GDF5: variants seen among roughly 807,000 people sequenced by gnomAD.
GDF5 encodes the protein growth/differentiation factor 5.
A neutral mutation model predicts 34.6 loss-of-function variants in GDF5; 17 were observed. That is an observed-to-expected ratio of 0.49 (90% CI 0.34 to 0.74). The LOEUF is 0.74. GDF5 is among the 30% of genes least tolerant of loss of function. The pLI is 0.01. For missense variants in GDF5, 616 were observed against 661.2 expected (o/e 0.93, Z 0.75); for synonymous variants, 332 against 290.7 (o/e 1.14, Z -1.44).
chr20:35,437,238 C>A, intron 1 of GDF5, 60 bp downstream of exon 1: 1 of 1,224,590 alleles, frequency 8.2e-7, no homozygotes, highest in Non-Finnish European at 1.2e-6. Flanking sequence ...TTTGAAAGCC[C>A]CTCCATTCAT....
At chr20:35,452,645 C>G (rs955540586) in intron 1 of GDF5, among the ~76,000 whole-genome samples, 2 of 152,142 alleles carry the variant, frequency 1.3e-5, no homozygotes, top group African/African-American at 4.8e-5. Flanking sequence ...TGGTATTGAA[C>G]TCCCAACCTC....
chr20:35,438,990 G>A (rs2062488254), upstream of GDF5, among the ~76,000 whole-genome samples: 1 of 151,814 alleles, frequency 6.6e-6, no homozygotes, highest in Admixed American at 6.6e-5. Context: ...GTGACCCAGA[G>A]ACTGAAAAAT....
At chr20:35,454,108 C>A in intron 1 of GDF5, 1 of 452,698 alleles carries the variant, frequency 2.2e-6, no homozygotes. Context: ...CCACTGAGTG[C>A]AAGAGTGAGG....
intron 1 of GDF5, among the ~76,000 whole-genome samples, chr20:35,451,081 A>T (rs1436431377): frequency 1.9e-5 from 1 of 52,980 alleles, no homozygotes; most frequent in East Asian, 3.9e-4. Flanking sequence ...ATATATATAT[A>T]TATATATATA....
intron 1 of GDF5, among the ~76,000 whole-genome samples, chr20:35,450,555 C>T (rs1025406311): frequency 6.6e-6 from 1 of 151,988 alleles, no homozygotes; most frequent in South Asian, 2.1e-4. Flanking sequence ...CTTTCTGGGC[C>T]TCGCAGATGT....
chr20:35,453,870 C>T (rs2062549279), intron 1 of GDF5: 1 of 532,854 alleles, frequency 1.9e-6, no homozygotes, highest in Non-Finnish European at 3.9e-6. Context: ...TTGTACCAGG[C>T]CTTGTGCTGA....
chr20:35,449,833 A>G (rs2062524943), intron 1 of GDF5, among the ~76,000 whole-genome samples: 1 of 151,956 alleles, frequency 6.6e-6, no homozygotes, highest in Non-Finnish European at 1.5e-5. Flanking sequence ...AAAAATTTTT[A>G]AACAAATTAG....
chr20:35,438,821 A>ATGTGTGTGTGTGTGTG (rs1177580555), upstream of GDF5, among the ~76,000 whole-genome samples: 203 of 44,992 alleles, frequency 4.5e-3, 1 homozygote, highest in African/African-American at 0.01. Flanking sequence ...CTGATTTGTT[A>ATGTGTGTGTGTGTGTG]TGCGTGTGTG....
chr20:35,433,921 A>T lies in GDF5; in HGVS notation c.1494T>A (p.Cys498Ter). The T allele has an allele frequency of 1.9e-6, 3 of 1,613,982 alleles. No individual in the cohort carries two copies. The highest frequency in any genetic ancestry group is 2.5e-6 in the Non-Finnish European group (3 of 1,179,854). ...KQYEDMVVESCGCR is the reference protein window; with the variant it reads ...KQYEDMVVES ...AGGGCCAGTGCTGCTACCTGCAGCC[A>T]CACGACTCCACGACCATGTCCTCAT... The change falls in exon 2 of 2, where the codon TGT becomes TGA. Residue 498 changes from cysteine to a stop codon, truncating the protein, a stop_gained. Transcript: ENST00000374369. LOFTEE classifies it high-confidence loss of function.
chr20:35,443,343 TG>T (rs2062504180), intron 1 of GDF5, among the ~76,000 whole-genome samples: 2 of 152,048 alleles, frequency 1.3e-5, no homozygotes, highest in South Asian at 4.1e-4. Flanking sequence ...GCAATATTAA[TG>T]TCAAACTTGA....
chr20:35,450,302 T>TAA (rs796096796), intron 1 of GDF5, among the ~76,000 whole-genome samples: 13 of 126,076 alleles, frequency 1.0e-4, no homozygotes, highest in East Asian at 2.3e-4. Flanking sequence ...TGAGACTCTG[T>TAA]AAAAAAAAAA....
At chr20:35,439,810 CAG>C (rs936957464), upstream of GDF5, among the ~76,000 whole-genome samples, 1 of 151,512 alleles carries the variant, frequency 6.6e-6, no homozygotes. Flanking sequence ...CGTCCCCAGA[CAG>C]AGCCAGTTAC....
At chr20:35,442,691 C>A (rs529641043), upstream of GDF5, among the ~76,000 whole-genome samples, 21 of 151,372 alleles carry the variant, frequency 1.4e-4, no homozygotes, top group Non-Finnish European at 2.8e-4. Context: ...ACTACCGATG[C>A]GCACCAAGAC....
chr20:35,434,524 C>T lies in GDF5; in HGVS notation c.891G>A (p.Trp297Ter), dbSNP rs1464028021. ...DGSGWEVFDIWKLFRNFKNSA... is the reference protein window; with the variant it reads ...DGSGWEVFDI ...AGTTCTTAAAGTTTCGGAAGAGCTT[C>T]CAGATGTCGAACACCTCCCAGCCAG... The change falls in exon 2 of 2, where the codon TGG becomes TGA. Residue 297 changes from tryptophan to a stop codon, truncating the protein, a stop_gained. Coordinates refer to ENST00000374369, the MANE Select transcript of GDF5 (RefSeq NM_000557.5). LOFTEE classifies it high-confidence loss of function. 2 of 1,603,854 alleles carry T rather than the reference C, an allele frequency of 1.2e-6. No homozygotes were observed. The highest frequency in any genetic ancestry group is 1.7e-6 in the Non-Finnish European group (2 of 1,174,268).
At position 35,446,507 on chromosome 20, in the gene GDF5, G is replaced by A. The variant is rs183061935; in HGVS notation, c.-397-5120C>T. 3.5e-3 allele frequency among the ~76,000 whole-genome samples: 499 copies of A among 143,644 alleles called. 2 individuals are homozygous for A. Among genetic ancestry groups the A allele is most frequent in the African/African-American group, 0.013 (488 of 38,598 alleles). The allele number at this position is 143,644 out of a possible 152,430, so 94.2% of individuals were successfully genotyped here. On this transcript the variant is annotated intron_variant, in intron 1 of 3. Transcript: ENST00000374372. ...GGCAGGAGTGCAGTGGTGAGATCTC[G>A]GCTCACTGCAGCCTCGAACTCCTGA... is the stretch of plus-strand genomic sequence containing the variant.
chr20:35,447,702 C>A (rs748572050), intron 1 of GDF5, among the ~76,000 whole-genome samples: 3 of 152,030 alleles, frequency 2.0e-5, no homozygotes, highest in Non-Finnish European at 4.4e-5. Context: ...GAAAAGAATG[C>A]AAAAGAAAAT....
At chr20:35,451,081 A>ATATATATATATATT (rs2062531647) in intron 1 of GDF5, among the ~76,000 whole-genome samples, 2 of 53,010 alleles carry the variant, frequency 3.8e-5, no homozygotes, top group Non-Finnish European at 6.5e-5. Flanking sequence ...ATATATATAT[A>ATATATATATATATT]TATATATATA....
At chr20:35,450,142 A>G (rs562090338) in intron 1 of GDF5, among the ~76,000 whole-genome samples, 9 of 134,010 alleles carry the variant, frequency 6.7e-5, no homozygotes, top group East Asian at 2.2e-4. Context: ...ATCTCTACTG[A>G]AAAAAAAAAA....
upstream of GDF5, among the ~76,000 whole-genome samples, chr20:35,438,628 A>G (rs569656779): frequency 6.6e-6 from 1 of 152,284 alleles, no homozygotes; most frequent in East Asian, 1.9e-4. Context: ...CTCCCCCTCC[A>G]CAGGGCAGAC....
Sources: gnomAD v4.1 joint callset for allele counts (sites outside exome capture counted in the v4.1 genomes callset) on GRCh38, gnomAD v4.1.1 for gene constraint, MANE v1.5 for transcripts, NCBI Gene and HGNC (gene_info 2026-07-23, HGNC 2026-07-21) for gene names.